ADAM23: variants seen among roughly 807,000 people sequenced by gnomAD.
ADAM23 encodes the protein ADAM metallopeptidase domain 23.
ADAM23 carries 33 observed loss-of-function variants against 120.1 expected under a neutral mutation model. That is an observed-to-expected ratio of 0.27 (90% CI 0.21 to 0.37). ADAM23 has a LOEUF of 0.37. Among genes scored for constraint, ADAM23 ranks in the 10% least tolerant of loss-of-function variants. ADAM23 has a pLI of 1.00. For synonymous variants in ADAM23, 367 were observed against 375.2 expected, an observed-to-expected ratio of 0.98 and a Z score of 0.25; for missense variants, 862 against 1,058.2, an observed-to-expected ratio of 0.81 and a Z score of 2.57.
At chr2:206,486,226 C>T (rs1045787658) in intron 3 of ADAM23, among the ~76,000 whole-genome samples, 1 of 152,148 alleles carries the variant, frequency 6.6e-6, no homozygotes, top group Non-Finnish European at 1.5e-5. Context: ...TAATTACACT[C>T]CTCTCAGGGT....
intron 3 of ADAM23, among the ~76,000 whole-genome samples, chr2:206,526,404 C>G (rs1045815876): frequency 6.6e-6 from 1 of 152,180 alleles, no homozygotes; most frequent in Non-Finnish European, 1.5e-5. Flanking sequence ...TCTGAGACTT[C>G]AGCACTGTAA....
At chr2:206,521,520 T>C (rs1205873484) in intron 3 of ADAM23, among the ~76,000 whole-genome samples, 1 of 152,180 alleles carries the variant, frequency 6.6e-6, no homozygotes, top group African/African-American at 2.4e-5. Context: ...GGTAATACAG[T>C]TAAGCAAAAG....
chr2:206,547,898 G>A (rs765617572), intron 7 of ADAM23, among the ~76,000 whole-genome samples: 7 of 152,110 alleles, frequency 4.6e-5, no homozygotes, highest in Non-Finnish European at 8.8e-5. Flanking sequence ...GATTGTTGGG[G>A]CATGTGATTT....
At chr2:206,446,880 T>C (rs1337318622) in intron 2 of ADAM23, among the ~76,000 whole-genome samples, 1 of 152,222 alleles carries the variant, frequency 6.6e-6, no homozygotes, top group African/African-American at 2.4e-5. Context: ...GTGTTGTCTT[T>C]AAAGAAGAGA....
At chr2:206,555,906 A>G (rs1697634460) in intron 9 of ADAM23, among the ~76,000 whole-genome samples, 1 of 152,192 alleles carries the variant, frequency 6.6e-6, no homozygotes, top group Non-Finnish European at 1.5e-5. Flanking sequence ...TCTTAAGTGT[A>G]TCTTGGAAAG....
At chr2:206,534,329 AATAG>A (rs1559252081) in intron 4 of ADAM23, among the ~76,000 whole-genome samples, 1 of 152,220 alleles carries the variant, frequency 6.6e-6, no homozygotes. Context: ...ATAATTGAAA[AATAG>A]AAATTACATA....
intron 3 of ADAM23, among the ~76,000 whole-genome samples, chr2:206,502,461 A>G (rs1696407532): frequency 6.6e-6 from 1 of 152,048 alleles, no homozygotes; most frequent in Non-Finnish European, 1.5e-5. Flanking sequence ...AAAAATTGGT[A>G]TTTTTCCATC....
At chr2:206,612,709 T>C (rs1380067469) in intron 25 of ADAM23, among the ~76,000 whole-genome samples, 2 of 152,228 alleles carry the variant, frequency 1.3e-5, no homozygotes, top group Non-Finnish European at 2.9e-5. Flanking sequence ...CTCTAAGCCC[T>C]GACCTTGTCT....
intron 2 of ADAM23, among the ~76,000 whole-genome samples, chr2:206,446,401 TTTGA>T (rs1042795486): frequency 1.3e-5 from 2 of 152,210 alleles, no homozygotes; most frequent in African/African-American, 2.4e-5. Context: ...AATGTTTCAT[TTTGA>T]TCTGTACTTG....
At chr2:206,579,625 A>T (rs933059201) in intron 18 of ADAM23, among the ~76,000 whole-genome samples, 7 of 152,228 alleles carry the variant, frequency 4.6e-5, no homozygotes, top group African/African-American at 1.4e-4. Context: ...TGTTTTGGTG[A>T]CTATGGCCTT....
intron 25 of ADAM23, among the ~76,000 whole-genome samples, chr2:206,616,882 T>A (rs1468849460): frequency 6.6e-6 from 1 of 152,158 alleles, no homozygotes; most frequent in African/African-American, 2.4e-5. Context: ...TAGGAGCCAC[T>A]TTTTAGGAGA....
intron 2 of ADAM23, among the ~76,000 whole-genome samples, chr2:206,468,784 A>G (rs1386077802): frequency 6.6e-6 from 1 of 152,196 alleles, no homozygotes; most frequent in Non-Finnish European, 1.5e-5. Context: ...AATACCTGAG[A>G]CTGTTAATTG....
chr2:206,492,823 G>A (rs1366784582), intron 3 of ADAM23, among the ~76,000 whole-genome samples: 1 of 151,978 alleles, frequency 6.6e-6, no homozygotes, highest in East Asian at 1.9e-4. Flanking sequence ...AATTTTGGAG[G>A]GACCTATACA....
chr2:206,485,954 A>G (rs1005753470), intron 3 of ADAM23, among the ~76,000 whole-genome samples: 1 of 152,236 alleles, frequency 6.6e-6, no homozygotes, highest in African/African-American at 2.4e-5. Flanking sequence ...CAGCTGGGAC[A>G]GCAAGACAGC....
intron 3 of ADAM23, among the ~76,000 whole-genome samples, chr2:206,482,050 A>T (rs780251771): frequency 6.6e-6 from 1 of 152,214 alleles, no homozygotes; most frequent in Non-Finnish European, 1.5e-5. Flanking sequence ...TTTGATCAGG[A>T]CTGCATCTTT....
At chr2:206,535,569 G>T (rs543961443) in intron 4 of ADAM23, among the ~76,000 whole-genome samples, 1 of 152,178 alleles carries the variant, frequency 6.6e-6, no homozygotes, top group African/African-American at 2.4e-5. Context: ...TCCTTCAATT[G>T]TTGAAGGAAT....
intron 3 of ADAM23, among the ~76,000 whole-genome samples, chr2:206,497,600 G>A (rs1345033487): frequency 6.6e-6 from 1 of 152,118 alleles, no homozygotes; most frequent in South Asian, 2.1e-4. Context: ...CACAAGACAG[G>A]GATGCCCTCT....
intron 3 of ADAM23, among the ~76,000 whole-genome samples, chr2:206,519,956 T>G (rs1696810310): frequency 6.6e-6 from 1 of 152,004 alleles, no homozygotes; most frequent in Non-Finnish European, 1.5e-5. Flanking sequence ...TTGAGGCTGC[T>G]GTGGGTCGTG....
intron 3 of ADAM23, among the ~76,000 whole-genome samples, chr2:206,502,738 G>A (rs932221974): frequency 1.3e-5 from 2 of 152,078 alleles, no homozygotes; most frequent in African/African-American, 4.8e-5. Flanking sequence ...TGTTTTACAC[G>A]ATCTTTTTAT....
Sources: gnomAD v4.1 joint callset for allele counts (sites outside exome capture counted in the v4.1 genomes callset) on GRCh38, gnomAD v4.1.1 for gene constraint, MANE v1.5 for transcripts, NCBI Gene and HGNC (gene_info 2026-07-23, HGNC 2026-07-21) for gene names.